Variants in IRX2 observed in about 807,000 individuals in gnomAD.
The protein encoded by IRX2 is iroquois homeobox 2, also known as iroquois-class homeodomain protein IRX-2.
In IRX2, 26 loss-of-function variants were observed where a neutral mutation model predicts 42.9. The observed-to-expected ratio is 0.61, with a 90% CI of 0.44 to 0.84. The LOEUF (loss-of-function observed/expected upper bound fraction) is 0.84. IRX2 is among the 40% of genes least tolerant of loss of function. IRX2 has a pLI of 0.00. For missense variants in IRX2, 782 were observed against 713.9 expected (o/e 1.10, Z -1.09); for synonymous variants, 424 against 353.9 (o/e 1.20, Z -2.22).
the IRX2 span, among the ~76,000 whole-genome samples, chr5:2,740,703 G>A: frequency 1.8e-3 from 279 of 152,274 alleles, 1 homozygote; most frequent in African/African-American, 6.4e-3. Context: ...GGAAGGACGT[G>A]GGCCGGGTGG....
Position 2,749,668 on chromosome 5 carries a change from C to A in IRX2, c.369G>T (p.Arg123=), listed in dbSNP as rs751700552. Residue 123 remains arginine (R), a synonymous_variant, in exon 2 of 4, where the codon CGG becomes CGT. Transcript: ENST00000302057. ...NDPAYRKNAT[R]DATATLKAWL... ...AGGCCTTGAGAGTGGCCGTGGCGTC[C>A]CGCGTGGCGTTCTTGCGGTACGCGG... The A allele has an allele frequency of 6.2e-7, 1 of 1,614,200 alleles. No homozygotes were observed. Among genetic ancestry groups the A allele is most frequent in the Admixed American group, 1.7e-5 (1 of 60,030 alleles).
At chr5:2,738,925 G>A in the IRX2 span, among the ~76,000 whole-genome samples, 1 of 152,294 alleles carries the variant, frequency 6.6e-6, no homozygotes, top group African/African-American at 2.4e-5. Context: ...TGTGGCTGGA[G>A]ACCCTCTTCT....
At chr5:2,746,059 T>A (rs542263229), downstream of IRX2, 1 of 152,092 alleles carries the variant, frequency 6.6e-6, no homozygotes, top group African/African-American at 2.4e-5. Flanking sequence ...AGAGTTTATT[T>A]CACACAGGTT....
chr5:2,741,390 GA>G (rs5865444), downstream of IRX2, among the ~76,000 whole-genome samples: 30 of 147,876 alleles, frequency 2.0e-4, no homozygotes, highest in Middle Eastern at 3.5e-3. Flanking sequence ...TTTATAGCAG[GA>G]AAAAAAAAAG....
Position 2,751,360 on chromosome 5 carries a change from G to T in IRX2, c.54C>A (p.Tyr18Ter). 1 of 1,434,342 alleles carries T rather than the reference G, an allele frequency of 7.0e-7. No homozygotes were observed. 88.9% of individuals were successfully genotyped at this position (1,434,342 alleles called of 1,614,324 possible). The stretch of plus-strand genomic sequence containing the variant: ...CCGACGCGCCGTAGGCCGGGCACGA[G>T]TAGAGCGCCAGCGAGCCGGGCGCCT... ...LYQAPGSLAL[Y>*]SCPAYGASAL... Residue 18 changes from tyrosine to a stop codon, truncating the protein, a stop_gained, in exon 1 of 4, where the codon TAC becomes TAA. Coordinates refer to ENST00000302057, the MANE Select transcript of IRX2 (RefSeq NM_033267.5). LOFTEE classifies it high-confidence loss of function. This position sits in a 1 kb window ranked among gnomAD's most constrained non-coding sequence, Gnocchi z 4.0.
At position 2,749,533 on chromosome 5, in the gene IRX2, C is replaced by T. The variant is rs570161229; in HGVS notation, c.504G>A (p.Ala168=). ...LTQVSTWFAN[A]RRRLKKENKM... ...TGTTCTCCTTCTTGAGGCGCCGGCG[C>T]GCGTTGGCGAACCAGGTGGAGACCT... is the stretch of plus-strand genomic sequence containing the variant. The change falls in exon 2 of 4, where the codon GCG becomes GCA. Residue 168 remains alanine (A), a synonymous_variant. Coordinates refer to ENST00000302057, the MANE Select transcript of IRX2 (RefSeq NM_033267.5). The T allele has an allele frequency of 1.2e-4, 198 of 1,614,206 alleles. No homozygotes were observed. In the East Asian group the frequency reaches 3.9e-3, roughly 31 times the overall value.
At position 2,749,372 on chromosome 5, in the gene IRX2, G is replaced by A; in HGVS notation, c.655+10C>T. 1 of 1,583,974 alleles carries A rather than the reference G, an allele frequency of 6.3e-7. No individual in the cohort carries two copies. Among genetic ancestry groups the A allele is most frequent in the Non-Finnish European group, 8.6e-7 (1 of 1,166,164 alleles). ...GCCCCGAGACCTTGCGCCGGCCGCTGCCCGCTCACCTTCGTCCTCTGCCGA... is the reference window on the plus strand; with the variant it reads ...GCCCCGAGACCTTGCGCCGGCCGCTACCCGCTCACCTTCGTCCTCTGCCGA... On this transcript the variant is annotated intron_variant, in intron 2 of 3. Coordinates refer to ENST00000302057, the MANE Select transcript of IRX2 (RefSeq NM_033267.5).
chr5:2,751,460 G>A lies in IRX2; in HGVS notation c.-47C>T. On this transcript the variant is annotated 5_prime_UTR_variant, in exon 1 of 4. Coordinates refer to ENST00000302057, the MANE Select transcript of IRX2 (RefSeq NM_033267.5). This position sits in a 1 kb window ranked among gnomAD's most constrained non-coding sequence, Gnocchi z 4.0. ...CCGCGTCACGCCGAGCAGCGGGCAG[G>A]GCGCGCGGCGCCCTCCATCCACGCC... The A allele has an allele frequency of 1.8e-6, 2 of 1,120,554 alleles. No homozygotes were observed. Among genetic ancestry groups the A allele is most frequent in the Non-Finnish European group, 2.2e-6 (2 of 918,656 alleles). 69.4% of individuals were successfully genotyped at this position (1,120,554 alleles called of 1,614,324 possible).
chr5:2,748,665 C>A lies in IRX2; in HGVS notation c.1043G>T (p.Gly348Val), dbSNP rs746522970. ...CGCGGGCAGCCCCGGTGGCCCGCAG[C>A]CCGGGCCCAGGCTCGGCTGCTTGAG... ...SDLKQPSLGP[G>V]CGPPGLPAAA... Residue 348 changes from glycine (G) to valine (V), a missense_variant, in exon 3 of 4, where the codon GGC becomes GTC. By Grantham distance (109) the Gly-to-Val change is moderately radical. This residue lies in a region of IRX2 where 520 missense variants were observed against 437.8 expected (regional missense o/e 1.19). Coordinates refer to ENST00000302057, the MANE Select transcript of IRX2 (RefSeq NM_033267.5). 5.8e-6 allele frequency: 8 copies of A among 1,384,926 alleles called. No individual in the cohort carries two copies. The South Asian group carries it at 1.0e-4, about 18-fold the overall frequency. 85.8% of individuals were successfully genotyped at this position (1,384,926 alleles called of 1,614,324 possible).
At chr5:2,750,687 C>G (rs1579631683) in intron 1 of IRX2, among the ~76,000 whole-genome samples, 2 of 152,248 alleles carry the variant, frequency 1.3e-5, no homozygotes, top group Non-Finnish European at 1.5e-5. Flanking sequence ...CTGGGCCTAA[C>G]TCGGTGACCC....
the IRX2 span, chr5:2,737,370 A>T: frequency 6.6e-6 from 1 of 152,282 alleles, no homozygotes; most frequent in African/African-American, 2.4e-5. Context: ...AAGTGACAGG[A>T]CTGGCGAGGA....
rs1432721884 is a variant in IRX2, at chr5:2,749,738, T to C, written c.299A>G (p.Tyr100Cys). ...HTTGMTGAIS[Y>C]HPYGSAAYPY... is the part of the protein sequence containing the mutation. ...GTAGGCCGCGCTGCCGTACGGGTGGTAGCTGATGGCGCCGGTCATGCCGGT... is the reference window on the plus strand; with the variant it reads ...GTAGGCCGCGCTGCCGTACGGGTGGCAGCTGATGGCGCCGGTCATGCCGGT... Residue 100 changes from tyrosine to cysteine, a missense_variant, in exon 2 of 4, where the codon TAC becomes TGC. By Grantham distance (194) the Tyr-to-Cys change is radical (BLOSUM62 -2). Transcript: ENST00000302057. The C allele has an allele frequency of 1.2e-6, 2 of 1,613,136 alleles. No homozygotes were observed. Among genetic ancestry groups the C allele is most frequent in the South Asian group, 2.2e-5 (2 of 91,030 alleles).
downstream of IRX2, among the ~76,000 whole-genome samples, chr5:2,742,266 T>C (rs1037453963): frequency 2.6e-5 from 4 of 152,220 alleles, no homozygotes; most frequent in Non-Finnish European, 5.9e-5. Context: ...ACCAGATTCG[T>C]AGCATTCTAG....
downstream of IRX2, chr5:2,745,957 ATAGAAATC>A (rs1281994210): frequency 1.3e-5 from 2 of 151,546 alleles, no homozygotes. Context: ...CAATACCTGT[ATAGAAATC>A]ATCTACAGCA....
intron 1 of IRX2, among the ~76,000 whole-genome samples, chr5:2,750,058 T>C (rs2111450587): frequency 6.6e-6 from 1 of 152,250 alleles, no homozygotes; most frequent in Middle Eastern, 3.4e-3. Flanking sequence ...CCGGAGCCGC[T>C]CGTGGCAATG....
intron 1 of IRX2, 102 bp from the exon 2 acceptor site, chr5:2,749,889 G>T (rs565057362): frequency 1.6e-6 from 2 of 1,253,420 alleles, no homozygotes; most frequent in South Asian, 1.5e-5. Context: ...CGTTCCCCCC[G>T]TGAGTCTGGC....
chr5:2,738,627 T>C, the IRX2 span, among the ~76,000 whole-genome samples: 2 of 152,036 alleles, frequency 1.3e-5, no homozygotes, highest in African/African-American at 4.8e-5. Flanking sequence ...CCGAGTCCAA[T>C]GGCAGAAAGG....
chr5:2,750,320 C>T (rs1242120780), intron 1 of IRX2, among the ~76,000 whole-genome samples: 1 of 152,244 alleles, frequency 6.6e-6, no homozygotes, highest in East Asian at 1.9e-4. Context: ...TTTAATTCAT[C>T]CTTTAACGTT....
chr5:2,736,341 T>C, the IRX2 span, among the ~76,000 whole-genome samples: 15 of 152,214 alleles, frequency 9.9e-5, no homozygotes, highest in Non-Finnish European at 1.8e-4. Flanking sequence ...TGATGCGATT[T>C]CTGAGACCTC....
Sources: gnomAD v4.1 joint callset for allele counts (sites outside exome capture counted in the v4.1 genomes callset) on GRCh38, gnomAD v4.1.1 for gene constraint, gnomAD v4.1.1 regional missense constraint, Gnocchi (gnomAD v3.1) non-coding constraint, MANE v1.5 for transcripts, NCBI Gene and HGNC (gene_info 2026-07-23, HGNC 2026-07-21) for gene names.